ARFIP1: variants seen among roughly 807,000 people sequenced by gnomAD.
ARFIP1 encodes the protein arfaptin-1.
Under a neutral mutation model 42.5 loss-of-function variants are expected in ARFIP1, and 24 were observed. The ratio of observed to expected loss-of-function variants is 0.57; its 90% CI spans 0.41 to 0.80. The LOEUF (loss-of-function observed/expected upper bound fraction) is 0.80, where lower values mean the gene tolerates loss of function less well. ARFIP1 is among the 30% of genes least tolerant of loss of function. The pLI, the probability that ARFIP1 is intolerant of heterozygous loss-of-function variation, is 0.00. For synonymous variants in ARFIP1, 141 were observed against 153.7 expected (o/e 0.92, Z 0.61); for missense variants, 354 against 434.0 (o/e 0.82, Z 1.64).
chr4:152,790,728 CTTTTTTTTTTT>C (rs781615063), intron 1 of ARFIP1, among the ~76,000 whole-genome samples: 4 of 106,082 alleles, frequency 3.8e-5, no homozygotes, highest in Non-Finnish European at 5.7e-5. Context: ...ATGTGTTTAT[CTTTTTTTTTTT>C]TTTTTTTTTT....
chr4:152,782,870 T>C (rs1730584755), intron 1 of ARFIP1, among the ~76,000 whole-genome samples: 1 of 152,204 alleles, frequency 6.6e-6, no homozygotes, highest in South Asian at 2.1e-4. Context: ...AAAGGTCTGA[T>C]ACTTTTTTTT....
intron 2 of ARFIP1, among the ~76,000 whole-genome samples, chr4:152,841,992 G>C (rs1193249894): frequency 6.6e-6 from 1 of 152,170 alleles, no homozygotes; most frequent in African/African-American, 2.4e-5. Flanking sequence ...GGGTTTTCCT[G>C]TTGAGAGCGG....
chr4:152,879,534 A>T (rs1454833894), intron 5 of ARFIP1, among the ~76,000 whole-genome samples: 1 of 152,190 alleles, frequency 6.6e-6, no homozygotes, highest in Non-Finnish European at 1.5e-5. Flanking sequence ...TTTGAAGAAC[A>T]TGATAAAGAG....
rs1287139869 is a variant in ARFIP1 at position 152,862,162 on chromosome 4, T to A, written c.94-1444T>A. ...CCTCCATGCTATCCCAATAATATGA[T>A]AATGACTGCCCAGTGCTACCCACCC... On this transcript the variant is annotated intron_variant, in intron 2 of 8. Coordinates refer to ENST00000353617, the MANE Select transcript of ARFIP1 (RefSeq NM_001025595.3). 2.0e-5 allele frequency among the ~76,000 whole-genome samples: 3 copies of A among 152,192 alleles called. No homozygotes were observed. In the East Asian group the frequency reaches 5.8e-4, roughly 29 times the overall value.
intron 2 of ARFIP1, among the ~76,000 whole-genome samples, chr4:152,855,251 C>T (rs763650343): frequency 7.9e-5 from 12 of 152,052 alleles, no homozygotes; most frequent in Non-Finnish European, 1.8e-4. Context: ...AATGCTGTGG[C>T]CCCCAGACTA....
intron 2 of ARFIP1, among the ~76,000 whole-genome samples, chr4:152,832,203 C>T (rs1164001585): frequency 1.3e-5 from 2 of 152,142 alleles, no homozygotes; most frequent in East Asian, 1.9e-4. Flanking sequence ...GCTGGCAACA[C>T]CAGCAATGAA....
chr4:152,910,147 GAC>G lies in ARFIP1; in HGVS notation c.1053_1054del (p.Leu352Ter), dbSNP rs759355573. 1.2e-6 allele frequency: 2 copies of G among 1,614,162 alleles called. No homozygotes were observed. Among genetic ancestry groups the G allele is most frequent in the Admixed American group, 3.3e-5 (2 of 60,022 alleles). ...CTGGGAATCAGAAGCAGCTTGAACA[GAC>G]ACTTAAACAGTTCCATATCAAATTG... is the stretch of plus-strand genomic sequence containing the variant. ...FAGNQKQLEQ[T>X]LKQFHIKLKT... On this transcript the variant is annotated frameshift_variant, in exon 9 of 9. Transcript: ENST00000353617. LOFTEE classifies it high-confidence loss of function.
chr4:152,909,375 A>T (rs1253699519), intron 8 of ARFIP1, among the ~76,000 whole-genome samples: 1 of 152,106 alleles, frequency 6.6e-6, no homozygotes, highest in Non-Finnish European at 1.5e-5. Flanking sequence ...ACAGAGCAAG[A>T]CTCTGTCTCA....
intron 2 of ARFIP1, among the ~76,000 whole-genome samples, chr4:152,836,864 T>A (rs556194238): frequency 6.6e-6 from 1 of 152,224 alleles, no homozygotes; most frequent in East Asian, 1.9e-4. Context: ...TAGTGGTGAT[T>A]TGTTAGATTT....
chr4:152,825,639 T>A (rs1167109670), intron 1 of ARFIP1, among the ~76,000 whole-genome samples: 1 of 152,182 alleles, frequency 6.6e-6, no homozygotes, highest in Non-Finnish European at 1.5e-5. Flanking sequence ...GCAAAGAATT[T>A]ATGACTAAGA....
chr4:152,781,392 C>T (rs890304888), intron 1 of ARFIP1, among the ~76,000 whole-genome samples: 1 of 152,034 alleles, frequency 6.6e-6, no homozygotes, highest in African/African-American at 2.4e-5. Context: ...GGCGCCACTA[C>T]CGCCTAGCTA....
intron 2 of ARFIP1, among the ~76,000 whole-genome samples, chr4:152,834,046 G>C (rs1174879258): frequency 6.6e-6 from 1 of 152,174 alleles, no homozygotes; most frequent in Non-Finnish European, 1.5e-5. Context: ...GGCAAAGCAG[G>C]CACATCACAT....
At chr4:152,870,405 G>C (rs565168108) in intron 3 of ARFIP1, among the ~76,000 whole-genome samples, 1 of 152,260 alleles carries the variant, frequency 6.6e-6, no homozygotes, top group East Asian at 1.9e-4. Flanking sequence ...AATATTTACT[G>C]AAGCTTTAAA....
chr4:152,858,743 T>C (rs1733637412), intron 2 of ARFIP1, among the ~76,000 whole-genome samples: 1 of 152,194 alleles, frequency 6.6e-6, no homozygotes, highest in African/African-American at 2.4e-5. Context: ...TGTCATGATG[T>C]ATAGTATAGT....
intron 2 of ARFIP1, among the ~76,000 whole-genome samples, chr4:152,845,229 A>G (rs1732438045): frequency 6.6e-6 from 1 of 152,228 alleles, no homozygotes; most frequent in African/African-American, 2.4e-5. Context: ...TTAAAGATTT[A>G]AAGATAAGAC....
At chr4:152,839,709 A>G (rs1731913041) in intron 2 of ARFIP1, among the ~76,000 whole-genome samples, 1 of 151,824 alleles carries the variant, frequency 6.6e-6, no homozygotes. Context: ...TATCAATTTT[A>G]TTTATCTTTC....
intron 3 of ARFIP1, among the ~76,000 whole-genome samples, chr4:152,866,215 G>A (rs1384161805): frequency 6.6e-6 from 1 of 152,178 alleles, no homozygotes; most frequent in Non-Finnish European, 1.5e-5. Context: ...GGATCCCAAG[G>A]CAGAAGAATT....
intron 8 of ARFIP1, among the ~76,000 whole-genome samples, chr4:152,906,390 G>T (rs560807370): frequency 2.0e-5 from 3 of 152,114 alleles, no homozygotes; most frequent in Non-Finnish European, 2.9e-5. Context: ...TTGCCATTTC[G>T]GTAAATGCAA....
intron 3 of ARFIP1, among the ~76,000 whole-genome samples, chr4:152,866,713 A>C (rs1474881680): frequency 6.8e-6 from 1 of 146,964 alleles, no homozygotes; most frequent in African/African-American, 2.5e-5. Flanking sequence ...GGTGGCTGCC[A>C]GGCGGAGGGG....
Sources: allele counts gnomAD v4.1 joint callset (sites outside exome capture counted in the v4.1 genomes callset), GRCh38; gene constraint gnomAD v4.1.1; transcripts MANE v1.5; gene names NCBI Gene and HGNC (gene_info 2026-07-23, HGNC 2026-07-21).